Variants in UFL1 observed in about 807,000 individuals in gnomAD.
The protein encoded by UFL1 is UFM1 specific ligase 1, also known as E3 UFM1-protein ligase 1.
A neutral mutation model predicts 99.3 loss-of-function variants in UFL1; 78 were observed. The observed-to-expected ratio is 0.79, with a 90% CI of 0.65 to 0.95. UFL1 has a LOEUF of 0.95. UFL1 is among the 40% of genes least tolerant of loss of function. The probability of loss-of-function intolerance (pLI) is 0.00; values close to 1 mark genes in which losing one functional copy is unlikely to be tolerated. For missense variants in UFL1, 936 were observed against 937.0 expected (o/e 1.00, Z 0.01); for synonymous variants, 335 against 322.2 (o/e 1.04, Z -0.42).
intron 7 of UFL1, 82 bp downstream of exon 7, chr6:96,534,403 T>A (rs1420021345): frequency 3.5e-6 from 4 of 1,127,364 alleles, no homozygotes; most frequent in South Asian, 1.7e-5. Flanking sequence ...TAATGTTTTT[T>A]CCTCTTTTAT....
In UFL1 at chr6:96,549,495, G is replaced by C; in HGVS notation, c.1604G>C (p.Arg535Pro). The part of the protein sequence containing the change: ...TTSASGTGRK[R>P]TIKDLQEEVS... ...TCTGCTTCTGGGACGGGCAGAAAAC[G>C]CACAATCAAGGACTTGCAAGAAGAA... Residue 535 changes from arginine to proline, a missense_variant, in exon 14 of 19, where the codon CGC becomes CCC. By Grantham distance (103) the Arg-to-Pro change is moderately radical. Transcript: ENST00000369278. The C allele has an allele frequency of 6.3e-7, 1 of 1,590,914 alleles. No individual in the cohort carries two copies.
In UFL1 at chr6:96,529,754, C is replaced by T. The variant is rs141653529; in HGVS notation, c.596+1122C>T. ...CAGCCACAGTGATTTCCCTTTTTGTCATTCAACAAATCAACAAGCATTTGT... is the reference window on the plus strand; with the variant it reads ...CAGCCACAGTGATTTCCCTTTTTGTTATTCAACAAATCAACAAGCATTTGT... On this transcript the variant is annotated intron_variant, in intron 6 of 18. Transcript: ENST00000369278. 3.2e-3 allele frequency among the ~76,000 whole-genome samples: 494 copies of T among 152,244 alleles called. 1 individual carries two copies. Among genetic ancestry groups the T allele is most frequent in the African/African-American group, 0.01 (424 of 41,550 alleles).
Position 96,522,955 on chromosome 6 carries a change from T to C in UFL1, c.78-191T>C, listed in dbSNP as rs142569544. The stretch of plus-strand genomic sequence containing the variant: ...CAATTAAATAAATGATTTAAGCATA[T>C]GTAAACCTACTTACTCTGAAAGGTT... On this transcript the variant is annotated intron_variant, in intron 1 of 18. Coordinates refer to ENST00000369278, the MANE Select transcript of UFL1 (RefSeq NM_015323.5). The C allele has an allele frequency of 2.7e-4, 129 of 477,034 alleles. 1 individual carries two copies. The highest frequency in any genetic ancestry group is 2.2e-3 in the African/African-American group (112 of 50,374). The allele number at this position is 477,034 out of a possible 1,614,324, so 29.6% of individuals were successfully genotyped here.
intron 17 of UFL1, among the ~76,000 whole-genome samples, chr6:96,552,199 C>G (rs1770090635): frequency 6.6e-6 from 1 of 152,008 alleles, no homozygotes; most frequent in African/African-American, 2.4e-5. Context: ...TACAGGAAAC[C>G]TTACCTAATC....
intron 12 of UFL1, among the ~76,000 whole-genome samples, chr6:96,547,506 G>A (rs1021416894): frequency 2.6e-5 from 4 of 151,732 alleles, no homozygotes; most frequent in South Asian, 2.1e-4. Flanking sequence ...ATATTGAAAA[G>A]ACACATATAC....
At chr6:96,535,613 C>T (rs1024962586) in intron 7 of UFL1, among the ~76,000 whole-genome samples, 1 of 151,878 alleles carries the variant, frequency 6.6e-6, no homozygotes, top group Non-Finnish European at 1.5e-5. Context: ...AGGAAAATGA[C>T]TTGTCTAGTG....
rs148290742 is a variant in UFL1, at chr6:96,553,110, C to T, written c.2167-175C>T. ...AGTGATTTGCATTCATGTTTTATCT[C>T]TCCTAAATTGTACACTCCTTGAGAG... is the stretch of plus-strand genomic sequence containing the variant. On this transcript the variant is annotated intron_variant, in intron 18 of 18. Coordinates refer to ENST00000369278, the MANE Select transcript of UFL1 (RefSeq NM_015323.5). 9.7e-4 allele frequency among the ~76,000 whole-genome samples: 148 copies of T among 152,150 alleles called. 2 individuals carry two copies. Among genetic ancestry groups the T allele is most frequent in the Non-Finnish European group, 1.6e-4 (11 of 67,992 alleles).
At chr6:96,540,745 C>T in intron 11 of UFL1, 90 bp downstream of exon 11, 1 of 1,450,810 alleles carries the variant, frequency 6.9e-7, no homozygotes, top group Non-Finnish European at 9.2e-7. Context: ...CTTTGAAAGG[C>T]CCTTTGTTTT....
At chr6:96,545,105 T>C (rs1019789159) in intron 12 of UFL1, among the ~76,000 whole-genome samples, 3 of 151,066 alleles carry the variant, frequency 2.0e-5, no homozygotes, top group East Asian at 3.9e-4. Flanking sequence ...ACATTAGGAA[T>C]GGACAGCAGA....
chr6:96,550,660 C>T (rs1187436248), intron 15 of UFL1, among the ~76,000 whole-genome samples: 4 of 152,048 alleles, frequency 2.6e-5, no homozygotes, highest in Admixed American at 6.6e-5. Flanking sequence ...CAGCAAGGTG[C>T]TGGCCCCCTT....
chr6:96,526,277 ATTCCTAAT>A (rs753728518), intron 4 of UFL1, 36 bp from the exon 5 acceptor site: 1 of 1,509,536 alleles, frequency 6.6e-7, no homozygotes, highest in Non-Finnish European at 9.1e-7. Context: ...CAGAAAAAAC[ATTCCTAAT>A]TCTTTTTTCT....
At chr6:96,549,352 C>A in intron 13 of UFL1, 60 bp from the exon 14 acceptor site, 1 of 1,304,014 alleles carries the variant, frequency 7.7e-7, no homozygotes, top group Non-Finnish European at 1.0e-6. Flanking sequence ...AACAAAATTC[C>A]TTATCTATAT....
At chr6:96,525,072 CTTT>C (rs77037523) in intron 3 of UFL1, among the ~76,000 whole-genome samples, 4 of 141,928 alleles carry the variant, frequency 2.8e-5, no homozygotes, top group African/African-American at 7.8e-5. Context: ...TTCTTTCTTT[CTTT>C]TTTTTTTTTT....
At chr6:96,548,073 C>G in intron 12 of UFL1, 91 bp from the exon 13 acceptor site, 2 of 774,948 alleles carry the variant, frequency 2.6e-6, no homozygotes, top group Non-Finnish European at 4.1e-6. Context: ...GAATTATTGT[C>G]TTACTAAATA....
chr6:96,542,287 A>G (rs1769941735), intron 11 of UFL1, among the ~76,000 whole-genome samples: 2 of 151,318 alleles, frequency 1.3e-5, no homozygotes, highest in Admixed American at 1.3e-4. Context: ...ATTAATATTC[A>G]TGGTCAACAT....
At chr6:96,539,363 A>T (rs983116733) in intron 10 of UFL1, among the ~76,000 whole-genome samples, 3 of 151,616 alleles carry the variant, frequency 2.0e-5, no homozygotes, top group Non-Finnish European at 4.4e-5. Context: ...TGGCAGCATC[A>T]TCTCCTTATA....
Position 96,521,871 on chromosome 6 carries a change from G to T in UFL1, c.-3G>T, listed in dbSNP as rs1228184382. The T allele has an allele frequency of 1.9e-6, 3 of 1,611,382 alleles. No homozygotes were observed. Among genetic ancestry groups the T allele is most frequent in the Admixed American group, 3.3e-5 (2 of 59,878 alleles). Reference sequence around the variant, plus strand: ...CTCCGCGTCTACTGCGAGTCAGGCCGTGATGGCGGACGCCTGGGAAGAGAT... The same window carrying T: ...CTCCGCGTCTACTGCGAGTCAGGCCTTGATGGCGGACGCCTGGGAAGAGAT... On this transcript the variant is annotated 5_prime_UTR_variant, in exon 1 of 19. Coordinates refer to ENST00000369278, the MANE Select transcript of UFL1 (RefSeq NM_015323.5).
Position 96,550,820 on chromosome 6 carries a change from G to A in UFL1, c.1819-613G>A, listed in dbSNP as rs565641114. ...AGGATTGGTGTGGGATTGGGGCAGA[G>A]AGGCTAGACAGGAGCAACTAGCCCT... On this transcript the variant is annotated intron_variant, in intron 15 of 18. Transcript: ENST00000369278. 5.9e-5 allele frequency among the ~76,000 whole-genome samples: 9 copies of A among 152,114 alleles called. No homozygotes were observed. The South Asian group carries it at 1.9e-3, about 31-fold the overall frequency.
intron 6 of UFL1, among the ~76,000 whole-genome samples, chr6:96,530,841 C>T (rs1206874120): frequency 1.3e-5 from 2 of 152,158 alleles, no homozygotes; most frequent in African/African-American, 4.8e-5. Flanking sequence ...CATTACTTAT[C>T]ACTATTCGGT....
Sources: allele counts gnomAD v4.1 joint callset (sites outside exome capture counted in the v4.1 genomes callset), GRCh38; gene constraint gnomAD v4.1.1; transcripts MANE v1.5; gene names NCBI Gene and HGNC (gene_info 2026-07-23, HGNC 2026-07-21).